The following STARD6 variants were observed in gnomAD, a reference collection of about 807,000 sequenced individuals.
STARD6 encodes the protein StAR related lipid transfer domain containing 6, also known as stAR-related lipid transfer protein 6.
STARD6 carries 21 observed loss-of-function variants against 22.3 expected under a neutral mutation model. The ratio of observed to expected loss-of-function variants is 0.94; its 90% CI spans 0.67 to 1.35. STARD6 has a LOEUF of 1.35. Among genes scored for constraint, STARD6 ranks in the 40% most tolerant of loss-of-function variants. The pLI is 0.00. For synonymous variants in STARD6, 80 were observed against 88.1 expected (o/e 0.91, Z 0.52); for missense variants, 269 against 266.9 (o/e 1.01, Z -0.05).
At chr18:54,341,664 G>A (rs531205750) in intron 4 of STARD6, among the ~76,000 whole-genome samples, 144 of 152,206 alleles carry the variant, frequency 9.5e-4, no homozygotes, top group African/African-American at 3.4e-3. Context: ...TAAATAACCA[G>A]TAAGTCAAAG....
At chr18:54,330,042 G>A (rs893985371) in intron 6 of STARD6, among the ~76,000 whole-genome samples, 4 of 151,908 alleles carry the variant, frequency 2.6e-5, no homozygotes, top group African/African-American at 9.7e-5. Context: ...CTATGTGAAT[G>A]CAGAGGGGGG....
intron 4 of STARD6, among the ~76,000 whole-genome samples, chr18:54,347,990 C>G (rs2089053876): frequency 6.6e-6 from 1 of 152,070 alleles, no homozygotes; most frequent in South Asian, 2.1e-4. Flanking sequence ...GAATAAGTCT[C>G]ATGAGATCTG....
chr18:54,337,808 A>G (rs1044814105), intron 4 of STARD6, among the ~76,000 whole-genome samples: 9 of 152,244 alleles, frequency 5.9e-5, no homozygotes, highest in African/African-American at 1.7e-4. Flanking sequence ...AAGGTAAGAA[A>G]AGTACAAATT....
At chr18:54,336,205 G>A (rs2088910806) in intron 5 of STARD6, among the ~76,000 whole-genome samples, 1 of 152,032 alleles carries the variant, frequency 6.6e-6, no homozygotes, top group African/African-American at 2.4e-5. Flanking sequence ...CTGAGATAAT[G>A]TATTTGAAAG....
intron 5 of STARD6, among the ~76,000 whole-genome samples, chr18:54,334,331 T>C (rs1380372403): frequency 2.0e-5 from 3 of 152,184 alleles, no homozygotes; most frequent in Non-Finnish European, 1.5e-5. Context: ...CTTACCTCCT[T>C]ATAATCCATG....
chr18:54,354,432 G>A (rs544476778), intron 3 of STARD6, 52 bp downstream of exon 3: 2 of 1,466,670 alleles, frequency 1.4e-6, no homozygotes, highest in African/African-American at 1.4e-5. Flanking sequence ...ACAATGAATT[G>A]TTTCTTACTT....
chr18:54,325,734 G>C (rs927598103), intron 7 of STARD6, among the ~76,000 whole-genome samples: 8 of 152,018 alleles, frequency 5.3e-5, no homozygotes, highest in Non-Finnish European at 1.2e-4. Flanking sequence ...TTTTTTTAAA[G>C]AGACAGGGTC....
At chr18:54,348,128 T>C (rs906437118) in intron 4 of STARD6, among the ~76,000 whole-genome samples, 10 of 152,140 alleles carry the variant, frequency 6.6e-5, no homozygotes, top group African/African-American at 2.4e-4. Context: ...ACTGAGTCCA[T>C]TAAACCTCTT....
chr18:54,338,772 G>A (rs2088940212), intron 4 of STARD6, among the ~76,000 whole-genome samples: 2 of 132,590 alleles, frequency 1.5e-5, no homozygotes, highest in Admixed American at 7.3e-5. Flanking sequence ...AAATTTGGAC[G>A]GGCGCAGTGG....
Position 54,331,818 on chromosome 18 carries a change from C to A in STARD6, c.309G>T (p.Val103=). Residue 103 remains valine (V), a synonymous_variant, in exon 6 of 8, where the codon GTG becomes GTT. Transcript: ENST00000307844. ...ICHTITQSFA[V]GSISPRDFID... ...TAAAGTCTCGAGGGGAAATGGAGCC[C>A]ACGGCAAAACTTTGTGTAATGGTAT... The A allele has an allele frequency of 6.2e-7, 1 of 1,613,154 alleles. No individual in the cohort carries two copies.
At chr18:54,351,637 T>A (rs1324612190) in intron 4 of STARD6, among the ~76,000 whole-genome samples, 1 of 152,176 alleles carries the variant, frequency 6.6e-6, no homozygotes, top group African/African-American at 2.4e-5. Flanking sequence ...CCTATTTTGT[T>A]GAGGGTTTTA....
At chr18:54,331,647 T>C in intron 6 of STARD6, 95 bp downstream of exon 6, 1 of 857,520 alleles carries the variant, frequency 1.2e-6, no homozygotes. Flanking sequence ...AAGGAAATAA[T>C]TAAAATATAA....
At chr18:54,342,751 G>A (rs1406247870) in intron 4 of STARD6, among the ~76,000 whole-genome samples, 3 of 65,574 alleles carry the variant, frequency 4.6e-5, no homozygotes, top group East Asian at 3.5e-4. Flanking sequence ...ACGGAGTCTC[G>A]TTCACTCAGT....
At position 54,354,514 on chromosome 18, in the gene STARD6, A is replaced by G. The variant is rs1568175686; in HGVS notation, c.60T>C (p.Asp20=). The part of the protein sequence containing the change: ...TAQEVLGYNR[D]TSGWKVVKTS... ...TTTTAACCACTTTCCAGCCTGATGT[A>G]TCTCGATTATAACCTAAAACTTCTT... The change falls in exon 3 of 8, where the codon GAT becomes GAC. Residue 20 remains aspartate (D), a synonymous_variant. Transcript: ENST00000307844. 1 of 1,613,664 alleles carries G rather than the reference A, an allele frequency of 6.2e-7. No homozygotes were observed. The highest frequency in any genetic ancestry group is 1.7e-5 in the Admixed American group (1 of 59,984).
At chr18:54,328,714 TA>T (rs1222866295) in intron 7 of STARD6, among the ~76,000 whole-genome samples, 1 of 152,066 alleles carries the variant, frequency 6.6e-6, no homozygotes, top group Non-Finnish European at 1.5e-5. Flanking sequence ...TTTTACTTAA[TA>T]AAAAATCATT....
At chr18:54,345,326 C>T (rs1268585326) in intron 4 of STARD6, among the ~76,000 whole-genome samples, 1 of 151,844 alleles carries the variant, frequency 6.6e-6, no homozygotes, top group Non-Finnish European at 1.5e-5. Context: ...TAACAAAAGT[C>T]ATTGAATGGT....
chr18:54,351,589 A>C (rs1787819), intron 4 of STARD6, among the ~76,000 whole-genome samples: 1 of 152,136 alleles, frequency 6.6e-6, no homozygotes, highest in Non-Finnish European at 1.5e-5. Context: ...GGTTTGTTAT[A>C]GATGGCTTTT....
At chr18:54,356,190 T>G (rs576507418) in intron 2 of STARD6, among the ~76,000 whole-genome samples, 171 bp downstream of exon 2, 6 of 152,376 alleles carry the variant, frequency 3.9e-5, no homozygotes, top group African/African-American at 1.4e-4. Context: ...TATTGGAACA[T>G]TTCTTCCTTA....
chr18:54,341,575 T>A (rs2088969698), intron 4 of STARD6, among the ~76,000 whole-genome samples: 2 of 152,226 alleles, frequency 1.3e-5, no homozygotes, highest in Non-Finnish European at 2.9e-5. Context: ...TTACAAAGTA[T>A]TTTTGTCATC....
Sources: gnomAD v4.1 joint callset for allele counts (sites outside exome capture counted in the v4.1 genomes callset) on GRCh38, gnomAD v4.1.1 for gene constraint, MANE v1.5 for transcripts, NCBI Gene and HGNC (gene_info 2026-07-23, HGNC 2026-07-21) for gene names.